CACNA1C: variants seen among roughly 807,000 people sequenced by gnomAD.
CACNA1C encodes calcium voltage-gated channel subunit alpha1 C.
A neutral mutation model predicts 229.0 loss-of-function variants in CACNA1C; 30 were observed. The observed-to-expected ratio is 0.13, with a 90% CI of 0.10 to 0.18. The LOEUF (loss-of-function observed/expected upper bound fraction) is 0.18. Among genes scored for constraint, CACNA1C ranks in the 10% least tolerant of loss-of-function variants. CACNA1C has a pLI of 1.00. For synonymous variants in CACNA1C, 1,114 were observed against 1,132.5 expected, an observed-to-expected ratio of 0.98 and a Z score of 0.33; for missense variants, 1,658 against 2,845.0, an observed-to-expected ratio of 0.58 and a Z score of 9.49.
Position 2,257,121 on chromosome 12 carries a change from C to G in CACNA1C, c.477+136691C>G, listed in dbSNP as rs145961571. On this transcript the variant is annotated intron_variant, in intron 3 of 46. Transcript: ENST00000399655. ...TCCCTGGGTGTTAACATCCAGCACT[C>G]AGACAGTCACAGAGGAATGAACACA... 5.1e-3 allele frequency among the ~76,000 whole-genome samples: 773 copies of G among 152,260 alleles called. 5 individuals carry two copies. The highest frequency in any genetic ancestry group is 0.018 in the African/African-American group (733 of 41,538).
chr12:2,324,923 G>A (rs189822782), intron 3 of CACNA1C, among the ~76,000 whole-genome samples: 12 of 152,182 alleles, frequency 7.9e-5, no homozygotes, highest in Admixed American at 2.6e-4. Flanking sequence ...CTATTTAGTC[G>A]TTACTGTTGC....
chr12:2,330,160 C>T (rs898220128), intron 3 of CACNA1C, among the ~76,000 whole-genome samples: 3 of 152,130 alleles, frequency 2.0e-5, no homozygotes, highest in Non-Finnish European at 4.4e-5. Flanking sequence ...CATCCTCCCG[C>T]CCTCTCACCT....
intron 3 of CACNA1C, among the ~76,000 whole-genome samples, chr12:2,273,381 G>A (rs1311909317): frequency 6.6e-6 from 1 of 151,446 alleles, no homozygotes; most frequent in African/African-American, 2.5e-5. Flanking sequence ...AATGCAAAGG[G>A]CCAACTGTAT....
intron 1 of CACNA1C, among the ~76,000 whole-genome samples, chr12:2,036,917 A>G (rs1365257514): frequency 6.6e-6 from 1 of 152,210 alleles, no homozygotes; most frequent in Non-Finnish European, 1.5e-5. Context: ...GATTCGGGGT[A>G]CCCTGGGAGG....
chr12:2,422,729 G>A (rs1432638519), intron 3 of CACNA1C, among the ~76,000 whole-genome samples: 7 of 152,194 alleles, frequency 4.6e-5, no homozygotes, highest in East Asian at 1.9e-4. Flanking sequence ...ATGTGTCAGC[G>A]CTGACTGGCA....
At chr12:2,457,420 C>A in intron 4 of CACNA1C, 147 bp from the exon 5 acceptor site, 1 of 727,678 alleles carries the variant, frequency 1.4e-6, no homozygotes, top group Non-Finnish European at 2.1e-6. Flanking sequence ...CAACCACCCA[C>A]AGACTCCACG....
intron 3 of CACNA1C, among the ~76,000 whole-genome samples, chr12:2,160,453 A>G (rs915843734): frequency 1.3e-5 from 2 of 152,226 alleles, no homozygotes; most frequent in African/African-American, 4.8e-5. Context: ...AGGGGCCACC[A>G]CAGAGGGCCT....
chr12:2,618,637 A>G (rs2081863128), intron 29 of CACNA1C, among the ~76,000 whole-genome samples: 2 of 152,250 alleles, frequency 1.3e-5, no homozygotes, highest in African/African-American at 2.4e-5. Flanking sequence ...AGCTAAATCC[A>G]TCAGGCCTGA....
At chr12:2,619,636 G>A (rs118104938) in intron 29 of CACNA1C, among the ~76,000 whole-genome samples, 6 of 151,732 alleles carry the variant, frequency 4.0e-5, no homozygotes, top group South Asian at 2.1e-4. Flanking sequence ...CCCATTAGTC[G>A]GCTTTTCAAG....
intron 3 of CACNA1C, among the ~76,000 whole-genome samples, chr12:2,219,959 A>G (rs1003069170): frequency 1.3e-5 from 2 of 152,160 alleles, no homozygotes; most frequent in Admixed American, 6.5e-5. Flanking sequence ...CAGCTCTCTG[A>G]CATTGAATTT....
chr12:2,231,258 G>A (rs2065036488), intron 3 of CACNA1C, among the ~76,000 whole-genome samples: 1 of 152,162 alleles, frequency 6.6e-6, no homozygotes, highest in Admixed American at 6.5e-5. Flanking sequence ...TAGTATCTAA[G>A]CCAGTGCTTT....
intron 3 of CACNA1C, among the ~76,000 whole-genome samples, chr12:2,186,552 G>T (rs1290459185): frequency 6.6e-6 from 1 of 152,148 alleles, no homozygotes. Flanking sequence ...GGGGGTCAGG[G>T]TCTGTGAGAC....
At chr12:2,618,722 G>A (rs1201448098) in intron 29 of CACNA1C, among the ~76,000 whole-genome samples, 2 of 152,254 alleles carry the variant, frequency 1.3e-5, no homozygotes, top group Non-Finnish European at 2.9e-5. Context: ...AGACATTTCA[G>A]AACGTGTTCT....
In CACNA1C at chr12:2,135,965, T is replaced by G. The variant is rs540514163; in HGVS notation, c.477+15535T>G. On this transcript the variant is annotated intron_variant, in intron 3 of 46. Transcript: ENST00000399655. Reference sequence around the variant, plus strand: ...TGTGCTAGCAATCAGCGAGACTCCGTGGGCGTAGGACCCTCCGAGCCAGGT... The same window carrying G: ...TGTGCTAGCAATCAGCGAGACTCCGGGGGCGTAGGACCCTCCGAGCCAGGT... Among the ~76,000 whole-genome samples the G allele has an allele frequency of 4.3e-4, 64 of 150,024 alleles. 1 individual carries two copies. The highest frequency in any genetic ancestry group is 1.2e-3 in the African/African-American group (50 of 40,592).
At position 2,678,603 on chromosome 12, in the gene CACNA1C, C is replaced by T. The variant is rs887578338; in HGVS notation, c.5091+736C>T. Among the ~76,000 whole-genome samples the T allele has an allele frequency of 1.3e-5, 2 of 152,238 alleles. No individual in the cohort carries two copies. Among genetic ancestry groups the T allele is most frequent in the African/African-American group, 4.8e-5 (2 of 41,468 alleles). On this transcript the variant is annotated intron_variant, in intron 41 of 46. Coordinates refer to ENST00000399655, the MANE Select transcript of CACNA1C (RefSeq NM_000719.7). This position sits in a 1 kb window ranked among gnomAD's most constrained non-coding sequence, Gnocchi z 4.1. ...ACACCGCTCTCTCCCGGCCGCGGGC[C>T]CAGTTCCCAGGCTGTGGAACACACA...
chr12:2,014,721 G>A (rs1280209696), intron 1 of CACNA1C, among the ~76,000 whole-genome samples: 1 of 152,206 alleles, frequency 6.6e-6, no homozygotes, highest in Non-Finnish European at 1.5e-5. Context: ...CTAGACCAGG[G>A]TAGAATGGTC....
chr12:2,104,511 T>G lies in CACNA1C; in HGVS notation c.50-10713T>G, dbSNP rs191552734. ...TTTCTAAATATATAATCATGTTATC[T>G]GCAAACAGAGACAATTTGACTTCCT... is the stretch of plus-strand genomic sequence containing the variant. On this transcript the variant is annotated intron_variant, in intron 1 of 46. Transcript: ENST00000399655. Among the ~76,000 whole-genome samples the G allele has an allele frequency of 6.6e-3, 1,011 of 152,342 alleles. 14 individuals carry two copies. Among genetic ancestry groups the G allele is most frequent in the African/African-American group, 0.023 (958 of 41,578 alleles).
At chr12:2,269,114 A>G (rs1467369608) in intron 3 of CACNA1C, among the ~76,000 whole-genome samples, 1 of 152,180 alleles carries the variant, frequency 6.6e-6, no homozygotes, top group Non-Finnish European at 1.5e-5. Flanking sequence ...GCTTTGTCAA[A>G]ACACTGACAG....
chr12:2,343,658 T>A (rs2096926391), intron 3 of CACNA1C, among the ~76,000 whole-genome samples: 1 of 152,006 alleles, frequency 6.6e-6, no homozygotes, highest in Admixed American at 6.6e-5. Flanking sequence ...GACAGCAGAG[T>A]CTTCAGTAAG....
Sources: allele counts gnomAD v4.1 joint callset (sites outside exome capture counted in the v4.1 genomes callset), GRCh38; gene constraint gnomAD v4.1.1; non-coding constraint Gnocchi (gnomAD v3.1); transcripts MANE v1.5; gene names NCBI Gene and HGNC (gene_info 2026-07-23, HGNC 2026-07-21).